The following KCNT1 variants were observed in gnomAD, a reference collection of about 807,000 sequenced individuals.
KCNT1 encodes potassium channel subfamily T member 1.
In KCNT1, 78 loss-of-function variants were observed where a neutral mutation model predicts 147.8. That is an observed-to-expected ratio of 0.53 (90% confidence interval 0.44 to 0.64). The LOEUF (loss-of-function observed/expected upper bound fraction) is 0.64. Ranked by LOEUF, KCNT1 falls within the 30% of genes least tolerant of loss-of-function variation. The pLI is 0.00. For missense variants in KCNT1, 1,419 were observed against 1,750.3 expected (o/e 0.81, Z 3.38); for synonymous variants, 867 against 748.8 (o/e 1.16, Z -2.58).
chr9:135,747,570 C>G (rs115617366), intron 2 of KCNT1, among the ~76,000 whole-genome samples: 1 of 152,086 alleles, frequency 6.6e-6, no homozygotes, highest in African/African-American at 2.4e-5. Context: ...GAGAGAAAGA[C>G]GGCGGACAGA....
intron 13 of KCNT1, among the ~76,000 whole-genome samples, chr9:135,767,452 C>T (rs1441635555): frequency 6.6e-6 from 1 of 152,142 alleles, no homozygotes; most frequent in Non-Finnish European, 1.5e-5. Flanking sequence ...GTGGTTTCTG[C>T]AGCTGGGCTT....
At position 135,792,132 on chromosome 9, in the gene KCNT1, C is replaced by T. The variant is rs779262121; in HGVS notation, c.3679C>T (p.Pro1227Ser). 28 of 1,606,174 alleles carry T rather than the reference C, an allele frequency of 1.7e-5. No homozygotes were observed. The highest frequency in any genetic ancestry group is 2.2e-5 in the Non-Finnish European group (26 of 1,179,664). ...CAGCCACAAGCTGTCGTCCTGCAACCCCGAGACTCGCGACGAGACACAGCT... is the reference window on the plus strand; with the variant it reads ...CAGCCACAAGCTGTCGTCCTGCAACTCCGAGACTCGCGACGAGACACAGCT... ...SCSHKLSSCN[P>S]ETRDETQL is the part of the protein sequence containing the mutation. The change falls in exon 31 of 31, where the codon CCC (proline) becomes TCC (serine). Residue 1227 changes from proline (P) to serine (S), a missense_variant. Pro to Ser is a moderately conservative substitution (Grantham distance 74). Transcript: ENST00000371757.
chr9:135,769,032 C>T (rs1418592054), intron 15 of KCNT1, 95 bp downstream of exon 15: 10 of 981,138 alleles, frequency 1.0e-5, no homozygotes, highest in African/African-American at 1.6e-5. Context: ...CGCATGTGCA[C>T]ATGTGTGACG....
Position 135,783,910 on chromosome 9 carries a change from C to T in KCNT1, c.2842-114C>T, listed in dbSNP as rs1164774455. The T allele has an allele frequency of 2.4e-5, 18 of 751,482 alleles. No individual in the cohort carries two copies. In the Admixed American group the frequency reaches 3.2e-4, roughly 13 times the overall value. 46.6% of individuals were successfully genotyped at this position (751,482 alleles called of 1,614,324 possible). A position where few individuals can be genotyped will look rare whatever the true frequency, so the allele number is the denominator to read the frequency against. ...CACACACACCATGCACAAATGTGCA[C>T]ACAGGTATCATGCACACATGTACGG... On this transcript the variant is annotated intron_variant, in intron 24 of 30. Coordinates refer to ENST00000371757, the MANE Select transcript of KCNT1 (RefSeq NM_020822.3).
chr9:135,777,270 G>A (rs1450925451), intron 20 of KCNT1, 68 bp from the exon 21 acceptor site: 1 of 1,524,832 alleles, frequency 6.6e-7, no homozygotes, highest in African/African-American at 1.4e-5. Context: ...GAGGGGTCTG[G>A]GAGGGCTCCA....
chr9:135,717,147 C>T (rs1221914005), intron 2 of KCNT1, among the ~76,000 whole-genome samples: 42 of 117,238 alleles, frequency 3.6e-4, no homozygotes, highest in Non-Finnish European at 6.4e-4. Context: ...GTGTATAGGA[C>T]AGGAGGGAGG....
At chr9:135,723,911 C>T (rs145351194) in intron 2 of KCNT1, among the ~76,000 whole-genome samples, 110 of 152,330 alleles carry the variant, frequency 7.2e-4, no homozygotes, top group African/African-American at 2.4e-3. Context: ...AGCGCAGCCC[C>T]GTCCCAGACC....
intron 2 of KCNT1, among the ~76,000 whole-genome samples, chr9:135,749,508 G>A (rs994927240): frequency 6.6e-6 from 1 of 152,128 alleles, no homozygotes; most frequent in African/African-American, 2.4e-5. Flanking sequence ...GGCTGGAGGG[G>A]CCCCACAGCT....
chr9:135,747,454 G>A (rs916390243), intron 2 of KCNT1, among the ~76,000 whole-genome samples: 1 of 151,378 alleles, frequency 6.6e-6, no homozygotes, highest in African/African-American at 2.4e-5. Flanking sequence ...CTCAGCCCCC[G>A]GGGGCAGCTC....
chr9:135,768,104 G>A (rs1469692830), intron 13 of KCNT1, among the ~76,000 whole-genome samples: 20 of 150,820 alleles, frequency 1.3e-4, no homozygotes, highest in African/African-American at 3.9e-4. Flanking sequence ...GCCTGCACAC[G>A]CTCGGGGGAC....
chr9:135,761,155 C>T (rs141614977), intron 11 of KCNT1, among the ~76,000 whole-genome samples: 94 of 152,300 alleles, frequency 6.2e-4, no homozygotes, highest in African/African-American at 2.2e-3. Flanking sequence ...GGCGGCTTGG[C>T]TTTGATTCAC....
chr9:135,731,991 T>TATATATATAGAGAGAGAGAG (rs1276318460), intron 2 of KCNT1, among the ~76,000 whole-genome samples: 2 of 21,730 alleles, frequency 9.2e-5, no homozygotes, highest in East Asian at 2.3e-3. Context: ...TATATATATA[T>TATATATATAGAGAGAGAGAG]AGAGAGAGAG....
Position 135,745,969 on chromosome 9 carries a change from C to T in KCNT1, c.255-4129C>T, listed in dbSNP as rs140450988. Among the ~76,000 whole-genome samples, 1,445 of 152,346 alleles carry T rather than the reference C, an allele frequency of 9.5e-3. 25 individuals carry two copies. Among genetic ancestry groups the T allele is most frequent in the African/African-American group, 0.032 (1,351 of 41,570 alleles). ...CCAGGCGGGTCTACCCCAGCCGGGTCGGCCTAGAGCTGACCCCAGCCAGGC... is the reference window on the plus strand; with the variant it reads ...CCAGGCGGGTCTACCCCAGCCGGGTTGGCCTAGAGCTGACCCCAGCCAGGC... On this transcript the variant is annotated intron_variant, in intron 2 of 30. Coordinates refer to ENST00000371757, the MANE Select transcript of KCNT1 (RefSeq NM_020822.3).
At chr9:135,772,090 C>T (rs1335885681) in intron 18 of KCNT1, among the ~76,000 whole-genome samples, 1 of 152,196 alleles carries the variant, frequency 6.6e-6, no homozygotes, top group African/African-American at 2.4e-5. Flanking sequence ...GCAGCTCACT[C>T]GGGGGGCCGG....
chr9:135,785,881 C>T lies in KCNT1; in HGVS notation c.3178-316C>T, dbSNP rs962972412. The T allele has an allele frequency of 1.0e-5, 5 of 479,022 alleles. No homozygotes were observed. In the East Asian group the frequency reaches 1.2e-4, roughly 12 times the overall value. The allele number at this position is 479,022 out of a possible 1,614,324, so 29.7% of individuals were successfully genotyped here. A position where few individuals can be genotyped will look rare whatever the true frequency, so the allele number is the denominator to read the frequency against. On this transcript the variant is annotated intron_variant, in intron 28 of 30. Transcript: ENST00000371757. The stretch of plus-strand genomic sequence containing the variant: ...GCTGGGGTCCAGATGGGTCCCAGGC[C>T]GGACCCACAGAAATAAGGGCTCAGA...
intron 1 of KCNT1, 76 bp downstream of exon 1, chr9:135,702,444 C>T (rs1220859987): frequency 1.6e-6 from 2 of 1,212,942 alleles, no homozygotes; most frequent in Admixed American, 1.8e-5. Flanking sequence ...CCTCAGGCTC[C>T]CGCACCCTCC....
At chr9:135,770,557 G>T in intron 17 of KCNT1, 110 bp downstream of exon 17, 1 of 1,370,324 alleles carries the variant, frequency 7.3e-7, no homozygotes, top group South Asian at 1.4e-5. Context: ...GGCTGCAGAG[G>T]GCTCGGGGGA....
intron 24 of KCNT1, among the ~76,000 whole-genome samples, chr9:135,781,403 C>T (rs952558728): frequency 4.6e-5 from 7 of 152,048 alleles, no homozygotes; most frequent in Admixed American, 2.0e-4. Context: ...GGCTGGGATC[C>T]GCCTCCCCAG....
rs747910552 is a variant in KCNT1 at position 135,764,985 on chromosome 9, G to A, written c.1036-46G>A. The A allele has an allele frequency of 2.6e-5, 40 of 1,565,486 alleles. No homozygotes were observed. The South Asian group carries it at 3.8e-4, about 15-fold the overall frequency. On this transcript the variant is annotated intron_variant, in intron 11 of 30. Transcript: ENST00000371757. The stretch of plus-strand genomic sequence containing the variant: ...CCCAGGTTCTTCACCGGGAGCCCTC[G>A]CTCCCCAGGCCTGGTCGCTGGTGCT...
Sources: allele counts gnomAD v4.1 joint callset (sites outside exome capture counted in the v4.1 genomes callset), GRCh38; gene constraint gnomAD v4.1.1; transcripts MANE v1.5; gene names NCBI Gene and HGNC (gene_info 2026-07-23, HGNC 2026-07-21).